Variants in CENPN observed in about 807,000 individuals in gnomAD.
CENPN encodes centromere protein N, also known as interphase centromere complex protein 32.
Under a neutral mutation model 48.6 loss-of-function variants are expected in CENPN, and 36 were observed. The ratio of observed to expected loss-of-function variants is 0.74; its 90% CI spans 0.57 to 0.98. CENPN has a LOEUF of 0.98. CENPN is among the 50% of genes least tolerant of loss of function. The probability of loss-of-function intolerance (pLI) is 0.00; values close to 1 mark genes in which losing one functional copy is unlikely to be tolerated. For missense variants in CENPN, 439 were observed against 399.2 expected, an observed-to-expected ratio of 1.10 and a Z score of -0.85; for synonymous variants, 166 against 135.2, an observed-to-expected ratio of 1.23 and a Z score of -1.58.
intron 1 of CENPN, among the ~76,000 whole-genome samples, chr16:81,009,385 A>T (rs1289381265): frequency 6.6e-6 from 1 of 152,188 alleles, no homozygotes. Flanking sequence ...CTGCAGGCAC[A>T]ATGGTCCTTC....
rs765826558 is a variant in CENPN at position 81,014,106 on chromosome 16, A to G, written c.172-30A>G. ...GGGATAGAACCAAACCTATAACCAC[A>G]GTTACTAAATAATTTGTTTTCTCTT... On this transcript the variant is annotated intron_variant, in intron 2 of 10. Transcript: ENST00000305850. 5.0e-6 allele frequency: 8 copies of G among 1,596,012 alleles called. No homozygotes were observed. In the Admixed American group the frequency reaches 8.3e-5, roughly 17 times the overall value.
At chr16:81,018,416 T>G (rs949262151) in intron 5 of CENPN, among the ~76,000 whole-genome samples, 1 of 152,042 alleles carries the variant, frequency 6.6e-6, no homozygotes, top group Non-Finnish European at 1.5e-5. Flanking sequence ...TCAGATGATC[T>G]GCCTGCCTCG....
At chr16:81,012,855 A>T (rs1039702839) in intron 2 of CENPN, among the ~76,000 whole-genome samples, 2 of 152,212 alleles carry the variant, frequency 1.3e-5, no homozygotes, top group East Asian at 3.8e-4. Flanking sequence ...TTGGCCTCCC[A>T]AAGTGCTGGG....
rs1419806193 is a variant in CENPN, at chr16:81,029,001, C to T, written c.*350C>T. The T allele has an allele frequency of 3.0e-6, 3 of 1,000,228 alleles. No homozygotes were observed. The highest frequency in any genetic ancestry group is 3.6e-6 in the Non-Finnish European group (3 of 840,318). The allele number at this position is 1,000,228 out of a possible 1,614,324, so 62.0% of individuals were successfully genotyped here. The stretch of plus-strand genomic sequence containing the variant: ...CCTTTTTTCTATGGCTGTCTCTTCT[C>T]AATTCTGGAGAGGTCTGGTTCCAGT... On this transcript the variant is annotated 3_prime_UTR_variant, in exon 11 of 11. Transcript: ENST00000305850.
At chr16:81,015,728 G>C (rs183161457) in intron 3 of CENPN, among the ~76,000 whole-genome samples, 34 of 152,308 alleles carry the variant, frequency 2.2e-4, no homozygotes, top group African/African-American at 8.2e-4. Flanking sequence ...GCACCTGGCT[G>C]GACGCAGTGG....
chr16:81,017,227 C>G, intron 3 of CENPN, 99 bp from the exon 4 acceptor site: 1 of 778,308 alleles, frequency 1.3e-6, no homozygotes, highest in South Asian at 1.6e-5. Context: ...TTGTGAATTA[C>G]TGTTACTTTC....
chr16:81,008,944 C>T (rs1393023666), intron 1 of CENPN, among the ~76,000 whole-genome samples: 1 of 152,222 alleles, frequency 6.6e-6, no homozygotes, highest in Non-Finnish European at 1.5e-5. Context: ...CAGAGGCTCA[C>T]GCCTGTAATC....
intron 3 of CENPN, 117 bp downstream of exon 3, chr16:81,014,298 C>G: frequency 2.6e-6 from 2 of 776,260 alleles, no homozygotes; most frequent in Non-Finnish European, 4.4e-6. Flanking sequence ...GCAGTAACGC[C>G]ATCTCAGCTC....
intron 3 of CENPN, among the ~76,000 whole-genome samples, chr16:81,015,423 T>C (rs1969895091): frequency 6.6e-6 from 1 of 152,280 alleles, no homozygotes; most frequent in Non-Finnish European, 1.5e-5. Context: ...ATAATAGTGA[T>C]AATATCACAT....
rs926857292 is a variant in CENPN, at chr16:81,031,376, T to A, written c.*2725T>A. ...TTGTCTAATCACCCTCAGCTTTTTT[T>A]AAAAACCCCTCCTCTACCCTCTCTC... On this transcript the variant is annotated 3_prime_UTR_variant, in exon 11 of 11. Coordinates refer to ENST00000305850, the MANE Select transcript of CENPN (RefSeq NM_001100624.3). 6.6e-6 allele frequency: 1 copy of A among 152,212 alleles called. No individual in the cohort carries two copies. The highest frequency in any genetic ancestry group is 1.5e-5 in the Non-Finnish European group (1 of 68,052). The allele number at this position is 152,212 out of a possible 1,614,324, so 9.4% of individuals were successfully genotyped here. A position where few individuals can be genotyped will look rare whatever the true frequency, so the allele number is the denominator to read the frequency against.
At chr16:81,017,523 T>C (rs1052800893) in intron 4 of CENPN, 138 bp downstream of exon 4, 6 of 679,680 alleles carry the variant, frequency 8.8e-6, no homozygotes, top group Non-Finnish European at 2.6e-6. Context: ...AAAAAAAAAA[T>C]AGCAGTATGT....
intron 1 of CENPN, among the ~76,000 whole-genome samples, chr16:81,009,424 G>C (rs945095653): frequency 1.3e-5 from 2 of 152,144 alleles, no homozygotes; most frequent in African/African-American, 2.4e-5. Flanking sequence ...GACTAGTGTA[G>C]TTGGAGCTCA....
Position 81,026,585 on chromosome 16 carries a change from C to G in CENPN, c.757C>G (p.Gln253Glu), listed in dbSNP as rs370991315. The change falls in exon 9 of 11, where the codon CAA becomes GAA. Residue 253 changes from glutamine (Q) to glutamate (E), a missense_variant. Coordinates refer to ENST00000305850, the MANE Select transcript of CENPN (RefSeq NM_001100624.3). ...AAAAGAGAGAGTCCAACGAATAACT[C>G]AAGAAACATTTGGAGATTATCCTCA... ...VEKERVQRIT[Q>E]ETFGDYPQPQ... The G allele has an allele frequency of 2.2e-5, 36 of 1,607,564 alleles. No individual in the cohort carries two copies. In the African/African-American group the frequency reaches 4.0e-4, roughly 18 times the overall value.
At chr16:81,024,864 G>A in intron 8 of CENPN, 86 bp downstream of exon 8, 1 of 817,002 alleles carries the variant, frequency 1.2e-6, no homozygotes, top group Non-Finnish European at 1.9e-6. Flanking sequence ...GTGTATAGTA[G>A]GATCCTAATT....
intron 1 of CENPN, among the ~76,000 whole-genome samples, chr16:81,009,375 C>A (rs1008397530): frequency 1.3e-5 from 2 of 152,182 alleles, no homozygotes; most frequent in East Asian, 3.9e-4. Flanking sequence ...GCAGTTGTAA[C>A]TGCAGGCACA....
intron 2 of CENPN, among the ~76,000 whole-genome samples, chr16:81,013,437 G>C (rs1459111500): frequency 6.6e-6 from 1 of 152,184 alleles, no homozygotes; most frequent in Non-Finnish European, 1.5e-5. Context: ...TGATAAGAAA[G>C]GGACACAAGA....
intron 7 of CENPN, chr16:81,023,028 G>A: frequency 1.4e-6 from 1 of 712,704 alleles, no homozygotes; most frequent in Non-Finnish European, 2.1e-6. Flanking sequence ...ATTATTCTAT[G>A]AAACAACAGA....
chr16:81,024,840 T>C (rs747328250), intron 8 of CENPN, 62 bp downstream of exon 8: 335 of 1,126,990 alleles, frequency 3.0e-4, no homozygotes, highest in Non-Finnish European at 3.7e-4. Flanking sequence ...TAGATTTCTT[T>C]CACTTGGTAA....
At chr16:81,028,495 T>C in intron 10 of CENPN, 74 bp from the exon 11 acceptor site, 1 of 1,578,788 alleles carries the variant, frequency 6.3e-7, no homozygotes. Flanking sequence ...CAGCCATTTT[T>C]AAACTGACTC....
Sources: gnomAD v4.1 joint callset for allele counts (sites outside exome capture counted in the v4.1 genomes callset) on GRCh38, gnomAD v4.1.1 for gene constraint, MANE v1.5 for transcripts, NCBI Gene and HGNC (gene_info 2026-07-23, HGNC 2026-07-21) for gene names.